The following FARSA variants were observed in gnomAD, a reference collection of about 807,000 sequenced individuals.
The protein encoded by FARSA is phenylalanine--tRNA ligase alpha subunit.
Under a neutral mutation model 63.2 loss-of-function variants are expected in FARSA, and 37 were observed. The observed-to-expected ratio is 0.59, with a 90% CI of 0.45 to 0.77. The LOEUF (loss-of-function observed/expected upper bound fraction) is 0.77, where lower values mean the gene tolerates loss of function less well. FARSA is among the 30% of genes least tolerant of loss of function. FARSA has a pLI of 0.00. For missense variants in FARSA, 618 were observed against 696.6 expected (o/e 0.89, Z 1.27); for synonymous variants, 312 against 285.1 (o/e 1.09, Z -0.95).
Position 12,930,805 on chromosome 19 carries a change from C to A in FARSA, c.148-56G>T, listed in dbSNP as rs912090440. The A allele has an allele frequency of 3.8e-6, 6 of 1,594,526 alleles. No homozygotes were observed. In the East Asian group the frequency reaches 1.1e-4, roughly 30 times the overall value. The stretch of plus-strand genomic sequence containing the variant: ...CAGGGGTGAGGCTCAGAGCCAGGCA[C>A]CCCCTTTCTGCAGCGCTGGGTCCCA... On this transcript the variant is annotated intron_variant, in intron 1 of 12. Transcript: ENST00000314606.
intron 7 of FARSA, among the ~76,000 whole-genome samples, chr19:12,925,873 A>G (rs921440862): frequency 6.6e-5 from 10 of 152,138 alleles, no homozygotes; most frequent in African/African-American, 1.9e-4. Flanking sequence ...GGGTTTCACC[A>G]TGTTGGCCAG....
At position 12,924,630 on chromosome 19, in the gene FARSA, C is replaced by G; in HGVS notation, c.1195+9G>C. On this transcript the variant is annotated intron_variant, in intron 10 of 12. Coordinates refer to ENST00000314606, the MANE Select transcript of FARSA (RefSeq NM_004461.3). The surrounding 1 kb of genome is among the most constrained non-coding windows in gnomAD (Gnocchi z 6.4). ...CACCACCATGGCCCACCCCTGCCCC[C>G]CTGCTCACCCAGCTTGGTGAAGAAC... 3.1e-6 allele frequency: 5 copies of G among 1,607,460 alleles called. No individual in the cohort carries two copies. Among genetic ancestry groups the G allele is most frequent in the Non-Finnish European group, 4.3e-6 (5 of 1,176,166 alleles).
chr19:12,925,091 CCT>C lies in FARSA; in HGVS notation c.923_924del (p.Gln308ArgfsTer5), dbSNP rs1889879569. ...RTHSQGGYGS[Q>X]GYKYNWKLDE... ...CATACCAGGTAAGTCCTGCCTCACCCCTGTGAGCCGTAGCCGCCCTGAGAGTG... is the reference window on the plus strand; with the variant it reads ...CATACCAGGTAAGTCCTGCCTCACCCGTGAGCCGTAGCCGCCCTGAGAGTG... On this transcript the variant is annotated frameshift_variant and splice_region_variant, in exon 8 of 13. Coordinates refer to ENST00000314606, the MANE Select transcript of FARSA (RefSeq NM_004461.3). LOFTEE classifies it high-confidence loss of function. 2.5e-6 allele frequency: 4 copies of C among 1,612,732 alleles called. No individual in the cohort carries two copies. The highest frequency in any genetic ancestry group is 2.2e-5 in the South Asian group (2 of 90,982).
rs150666819 is a variant in FARSA, at chr19:12,930,237, C to T, written c.489G>A (p.Lys163=). Residue 163 remains lysine, a synonymous_variant, in exon 4 of 13, where the codon AAG becomes AAA. Transcript: ENST00000314606. ...CACCCACTCACACTTCAGCCAACAG[C>T]TTCCTCTTCCTCAGCTCGCTCCTCT... ...EKERSELRKR[K]LLAEVTLKTY... is the part of the protein sequence containing the mutation. 2.5e-6 allele frequency: 4 copies of T among 1,613,938 alleles called. No homozygotes were observed. In the African/African-American group the frequency reaches 5.3e-5, roughly 22 times the overall value.
intron 1 of FARSA, chr19:12,933,234 T>C: frequency 2.9e-6 from 1 of 350,236 alleles, no homozygotes; most frequent in African/African-American, 2.2e-5. Flanking sequence ...TCCCCTGTTT[T>C]CCCCCATCAC....
At position 12,922,572 on chromosome 19, in the gene FARSA, A is replaced by G. The variant is rs751029243; in HGVS notation, c.*176T>C. 19 of 739,166 alleles carry G rather than the reference A, an allele frequency of 2.6e-5. No homozygotes were observed. In the East Asian group the frequency reaches 5.1e-4, roughly 20 times the overall value. 45.8% of individuals were successfully genotyped at this position (739,166 alleles called of 1,614,324 possible). A position where few individuals can be genotyped will look rare whatever the true frequency, so the allele number is the denominator to read the frequency against. The stretch of plus-strand genomic sequence containing the variant: ...TAGACACACCACACAGGACAACAGA[A>G]GGAACCTGCTACCCAGTCCTCTGTC... On this transcript the variant is annotated 3_prime_UTR_variant, in exon 13 of 13. Coordinates refer to ENST00000314606, the MANE Select transcript of FARSA (RefSeq NM_004461.3).
At chr19:12,928,046 A>AAAAAAAC in intron 7 of FARSA, among the ~76,000 whole-genome samples, 2 of 150,488 alleles carry the variant, frequency 1.3e-5, no homozygotes, top group African/African-American at 4.9e-5. Flanking sequence ...AAAAAAAAAA[A>AAAAAAAC]AGACTGCAGG....
Position 12,922,681 on chromosome 19 carries a change from GC to G in FARSA, c.*66del. The G allele has an allele frequency of 6.3e-7, 1 of 1,594,818 alleles. No individual in the cohort carries two copies. The highest frequency in any genetic ancestry group is 8.5e-7 in the Non-Finnish European group (1 of 1,171,866). On this transcript the variant is annotated 3_prime_UTR_variant, in exon 13 of 13. Coordinates refer to ENST00000314606, the MANE Select transcript of FARSA (RefSeq NM_004461.3). The stretch of plus-strand genomic sequence containing the variant: ...AGGCCTCATAAATACAAGGTCACTG[GC>G]CAGGGATGCAAAGGAGCGCAGCAGC...
chr19:12,923,699 C>T (rs1031902363), intron 12 of FARSA, among the ~76,000 whole-genome samples: 2 of 152,186 alleles, frequency 1.3e-5, no homozygotes, highest in Admixed American at 6.5e-5. Context: ...AGGCTGGCCT[C>T]GAACTCCTGT....
chr19:12,930,372 G>C (rs201925238), intron 3 of FARSA, 31 bp from the exon 4 acceptor site: 2 of 1,613,110 alleles, frequency 1.2e-6, no homozygotes, highest in African/African-American at 2.7e-5. Flanking sequence ...AGGGGTATGA[G>C]GGCCAGGGGC....
intron 4 of FARSA, among the ~76,000 whole-genome samples, chr19:12,929,368 G>A (rs1003522213): frequency 2.0e-5 from 3 of 152,066 alleles, no homozygotes; most frequent in South Asian, 2.1e-4. Context: ...CACCACACCC[G>A]GCTAAGTTTT....
At chr19:12,927,195 G>C (rs1253172591) in intron 7 of FARSA, among the ~76,000 whole-genome samples, 2 of 152,234 alleles carry the variant, frequency 1.3e-5, no homozygotes, top group Non-Finnish European at 2.9e-5. Context: ...CACGTGAGCA[G>C]AGATTTGAGG....
In FARSA at chr19:12,924,971, C is replaced by T. The variant is rs1251317624; in HGVS notation, c.959G>A (p.Arg320Gln). The T allele has an allele frequency of 1.3e-5, 21 of 1,614,068 alleles. No homozygotes were observed. Among genetic ancestry groups the T allele is most frequent in the South Asian group, 3.3e-5 (3 of 91,094 alleles). The change falls in exon 9 of 13, where the codon CGG (arginine) becomes CAG (glutamine). Residue 320 changes from arginine to glutamine, a missense_variant. By Grantham distance (43) the Arg-to-Gln change is conservative (BLOSUM62 1). Coordinates refer to ENST00000314606, the MANE Select transcript of FARSA (RefSeq NM_004461.3). This position sits in a 1 kb window ranked among gnomAD's most constrained non-coding sequence, Gnocchi z 6.4. ...YKYNWKLDEA[R>Q]KNLLRTHTTS... ...GGTGTGGGTTCGCAGTAGGTTTTTC[C>T]GGGCCTCGTCCAGCTTCCAGTTATA...
chr19:12,930,876 C>A (rs1271340945), intron 1 of FARSA, 127 bp from the exon 2 acceptor site: 24 of 1,095,310 alleles, frequency 2.2e-5, no homozygotes, highest in Non-Finnish European at 3.2e-5. Flanking sequence ...CCCAGCTATA[C>A]AACTTTACAG....
Position 12,924,644 on chromosome 19 carries a change from T to C in FARSA, c.1190A>G (p.Lys397Arg). Residue 397 changes from lysine to arginine, a missense_variant, in exon 10 of 13, where the codon AAG (lysine) becomes AGG (arginine). Lys to Arg is a conservative substitution (Grantham distance 26). Transcript: ENST00000314606. This position sits in a 1 kb window ranked among gnomAD's most constrained non-coding sequence, Gnocchi z 6.4. ...ACCCCTGCCCCCCTGCTCACCCAGC[T>C]TGGTGAAGAACTCCCGCAGAACGCC... Reference protein sequence around the residue: ...LMGVLREFFTKLGITQLRFKP... With the variant: ...LMGVLREFFTRLGITQLRFKP... 1.2e-6 allele frequency: 2 copies of C among 1,604,312 alleles called. No individual in the cohort carries two copies. Among genetic ancestry groups the C allele is most frequent in the South Asian group, 1.1e-5 (1 of 89,620 alleles).
In FARSA at chr19:12,930,899, A is replaced by G. The variant is rs1599653914; in HGVS notation, c.148-150T>C. On this transcript the variant is annotated intron_variant, in intron 1 of 12. Coordinates refer to ENST00000314606, the MANE Select transcript of FARSA (RefSeq NM_004461.3). ...TACAACTTTACAGCCAAGTGGTCTCAAGGGAAAGACTTCCCCTTGCTGTGT... is the reference window on the plus strand; with the variant it reads ...TACAACTTTACAGCCAAGTGGTCTCGAGGGAAAGACTTCCCCTTGCTGTGT... 4.7e-6 allele frequency: 4 copies of G among 854,028 alleles called. No individual in the cohort carries two copies. In the African/African-American group the frequency reaches 6.7e-5, roughly 14 times the overall value. 52.9% of individuals were successfully genotyped at this position (854,028 alleles called of 1,614,324 possible).
At chr19:12,926,608 C>A (rs546774934) in intron 7 of FARSA, among the ~76,000 whole-genome samples, 24 of 152,128 alleles carry the variant, frequency 1.6e-4, no homozygotes, top group African/African-American at 5.8e-4. Flanking sequence ...GCTTGGCCTG[C>A]AGTGCAGTGA....
chr19:12,928,165 G>C (rs1443081004), intron 7 of FARSA, among the ~76,000 whole-genome samples, 177 bp downstream of exon 7: 1 of 151,830 alleles, frequency 6.6e-6, no homozygotes, highest in Non-Finnish European at 1.5e-5. Context: ...AGCTGGATTT[G>C]AACTCCTGGG....
chr19:12,922,905 G>A lies in FARSA; in HGVS notation c.1389-19C>T. On this transcript the variant is annotated intron_variant, in intron 12 of 12. Coordinates refer to ENST00000314606, the MANE Select transcript of FARSA (RefSeq NM_004461.3). ...CGTTGGGCTTGTGGGGGAGGGAACA[G>A]AGTTTATCATGAGGTCAGCACGTGC... 1 of 1,614,006 alleles carries A rather than the reference G, an allele frequency of 6.2e-7. No individual in the cohort carries two copies. The highest frequency in any genetic ancestry group is 8.5e-7 in the Non-Finnish European group (1 of 1,179,954).
Sources: allele counts gnomAD v4.1 joint callset (sites outside exome capture counted in the v4.1 genomes callset), GRCh38; gene constraint gnomAD v4.1.1; non-coding constraint Gnocchi (gnomAD v3.1); transcripts MANE v1.5; gene names NCBI Gene and HGNC (gene_info 2026-07-23, HGNC 2026-07-21).